Variants in FGFR3 observed in about 807,000 individuals in gnomAD.
The protein encoded by FGFR3 is FGFR-3.
Under a neutral mutation model 82.9 loss-of-function variants are expected in FGFR3, and 25 were observed. The ratio of observed to expected loss-of-function variants is 0.30; its 90% CI spans 0.22 to 0.42. The LOEUF (loss-of-function observed/expected upper bound fraction) is 0.42, where lower values mean the gene tolerates loss of function less well. Among genes scored for constraint, FGFR3 ranks in the 10% least tolerant of loss-of-function variants. The probability of loss-of-function intolerance (pLI) is 1.00; values close to 1 mark genes in which losing one functional copy is unlikely to be tolerated. For synonymous variants in FGFR3, 620 were observed against 516.0 expected (o/e 1.20, Z -2.73); for missense variants, 1,026 against 1,161.0 (o/e 0.88, Z 1.69).
At chr4:1,798,666 G>C (rs1720822506) in intron 2 of FGFR3, among the ~76,000 whole-genome samples, 1 of 152,074 alleles carries the variant, frequency 6.6e-6, no homozygotes, top group South Asian at 2.1e-4. Context: ...CTGTTCCCTG[G>C]CTGTCCATCT....
Position 1,801,499 on chromosome 4 carries a change from G to T in FGFR3, c.578G>T (p.Arg193Met). 1 of 1,561,260 alleles carries T rather than the reference G, an allele frequency of 6.4e-7. No homozygotes were observed. The highest frequency in any genetic ancestry group is 2.4e-5 in the East Asian group (1 of 41,946). ...TPSISWLKNG[R>M]EFRGEHRIGG... Reference sequence around the variant, plus strand: ...TCCATCTCCTGGCTGAAGAACGGCAGGGAGTTCCGCGGCGAGCACCGCATT... The same window carrying T: ...TCCATCTCCTGGCTGAAGAACGGCATGGAGTTCCGCGGCGAGCACCGCATT... Residue 193 changes from arginine (R) to methionine (M), a missense_variant, in exon 5 of 18, where the codon AGG (arginine) becomes ATG (methionine). Physicochemically the swap from Arg to Met is moderately conservative, Grantham distance 91. Coordinates refer to ENST00000440486, the MANE Select transcript of FGFR3 (RefSeq NM_000142.5).
intron 15 of FGFR3, 97 bp downstream of exon 15, chr4:1,806,424 C>G (rs751949840): frequency 1.4e-5 from 23 of 1,603,096 alleles, no homozygotes; most frequent in Non-Finnish European, 1.7e-5. Flanking sequence ...CCCTGGAGCT[C>G]CTGGGTGTGG....
chr4:1,800,567 G>T (rs1224561941), intron 4 of FGFR3, among the ~76,000 whole-genome samples: 1 of 152,090 alleles, frequency 6.6e-6, no homozygotes, highest in Admixed American at 6.5e-5. Context: ...GGGGTCTCCA[G>T]GAGGCCTGGG....
intron 2 of FGFR3, 91 bp from the exon 3 acceptor site, chr4:1,799,163 C>T (rs1344237704): frequency 5.1e-6 from 8 of 1,578,450 alleles, no homozygotes; most frequent in Non-Finnish European, 5.2e-6. Context: ...GAGCCTTCCT[C>T]ACTCAGGGCC....
In FGFR3 at chr4:1,804,444, G is replaced by T. The variant is rs542210035; in HGVS notation, c.1190G>T (p.Arg397Leu). Residue 397 changes from arginine (R) to leucine (L), a missense_variant, in exon 9 of 18, where the codon CGC becomes CTC. Around this residue, in one of 9 missense-constraint regions of FGFR3, gnomAD observed 256 missense variants for 217.6 expected, o/e 1.18. Transcript: ENST00000440486. The stretch of plus-strand genomic sequence containing the variant: ...GTGGTGGCGGCTGTGACGCTCTGCC[G>T]CCTGCGCAGCCCCCCCAAGAAAGGC... ...ILVVAAVTLCRLRSPPKKGLG... is the reference protein window; with the variant it reads ...ILVVAAVTLCLLRSPPKKGLG... 1 of 1,612,612 alleles carries T rather than the reference G, an allele frequency of 6.2e-7. No homozygotes were observed. Among genetic ancestry groups the T allele is most frequent in the Non-Finnish European group, 8.5e-7 (1 of 1,179,660 alleles).
chr4:1,794,521 C>G (rs914145365), intron 2 of FGFR3, among the ~76,000 whole-genome samples: 8 of 152,162 alleles, frequency 5.3e-5, no homozygotes, highest in African/African-American at 1.9e-4. Context: ...CCTGCCCGCC[C>G]GAAGAGGCAG....
chr4:1,799,932 C>T (rs1247532661), intron 4 of FGFR3, 120 bp downstream of exon 4: 43 of 1,135,582 alleles, frequency 3.8e-5, no homozygotes, highest in Non-Finnish European at 4.6e-5. Context: ...GGGGTCACCC[C>T]GAAGGTCTGG....
chr4:1,794,135 G>A (rs1010535209), intron 2 of FGFR3, 92 bp downstream of exon 2: 2 of 637,148 alleles, frequency 3.1e-6, no homozygotes, highest in Non-Finnish European at 4.6e-6. Flanking sequence ...AGGGGCCGCC[G>A]GGTGTGAGTG....
intron 8 of FGFR3, 29 bp downstream of exon 8, chr4:1,803,865 C>T (rs568579187): frequency 1.6e-5 from 25 of 1,607,344 alleles, no homozygotes; most frequent in Middle Eastern, 1.7e-4. Context: ...GCTGCTGCTC[C>T]GCACTGTCTG....
In FGFR3 at chr4:1,805,846, C is replaced by G; in HGVS notation, c.1742C>G (p.Thr581Ser). ...CCGGGCCTGGACTACTCCTTCGACA[C>G]CTGCAAGCCGCCCGAGGAGCAGCTC... Reference protein sequence around the residue: ...RPPGLDYSFDTCKPPEEQLTF... With the variant: ...RPPGLDYSFDSCKPPEEQLTF... Residue 581 changes from threonine to serine, a missense_variant, in exon 13 of 18, where the codon ACC (threonine) becomes AGC (serine). Physicochemically the swap from Thr to Ser is moderately conservative, Grantham distance 58. Transcript: ENST00000440486. 6.2e-7 allele frequency: 1 copy of G among 1,612,606 alleles called. No homozygotes were observed. Among genetic ancestry groups the G allele is most frequent in the Non-Finnish European group, 8.5e-7 (1 of 1,179,884 alleles).
rs1189213092 is a variant in FGFR3 at position 1,804,828 on chromosome 4, C to T, written c.1271C>T (p.Ser424Phe). The change falls in exon 10 of 18, where the codon TCC becomes TTC. Residue 424 changes from serine (S) to phenylalanine (F), a missense_variant. Physicochemically the swap from Ser to Phe is radical, Grantham distance 155 (BLOSUM62 -2). Coordinates refer to ENST00000440486, the MANE Select transcript of FGFR3 (RefSeq NM_000142.5). ...ISRFPLKRQV[S>F]LESNASMSSN... Reference sequence around the variant, plus strand: ...TGCCCCTGCTGACCCAAGCAGGTGTCCCTGGAGTCCAACGCGTCCATGAGC... The same window carrying T: ...TGCCCCTGCTGACCCAAGCAGGTGTTCCTGGAGTCCAACGCGTCCATGAGC... 1.3e-5 allele frequency: 20 copies of T among 1,549,638 alleles called. No homozygotes were observed. Among genetic ancestry groups the T allele is most frequent in the South Asian group, 2.4e-5 (2 of 84,038 alleles).
At position 1,804,399 on chromosome 4, in the gene FGFR3, GCTT is replaced by G. The variant is rs1560431129; in HGVS notation, c.1150_1152del (p.Phe384del). On this transcript the variant is annotated inframe_deletion, in exon 9 of 18. Coordinates refer to ENST00000440486, the MANE Select transcript of FGFR3 (RefSeq NM_000142.5). ...GCAGGCATCCTCAGCTACGGGGTGG[GCTT>G]CTTCCTGTTCATCCTGGTGGTGGCG... 6.2e-7 allele frequency: 1 copy of G among 1,613,044 alleles called. No homozygotes were observed. The highest frequency in any genetic ancestry group is 1.7e-5 in the Admixed American group (1 of 59,976).
chr4:1,807,410 TGTGTGTGTGCACATCCGC>T lies in FGFR3; in HGVS notation c.*154_*171del. Reference sequence around the variant, plus strand: ...GTGTGTGTGTGTGTGCGTGTGTGTGTGTGTGTGTGCACATCCGCGTGTGCCTGTGTGCGTGCGCATCTT... The same window carrying T: ...GTGTGTGTGTGTGTGCGTGTGTGTGTGTGTGCCTGTGTGCGTGCGCATCTT... On this transcript the variant is annotated 3_prime_UTR_variant, in exon 18 of 18. Transcript: ENST00000440486. 2 of 1,168,638 alleles carry T rather than the reference TGTGTGTGTGCACATCCGC, an allele frequency of 1.7e-6. No homozygotes were observed. The highest frequency in any genetic ancestry group is 2.6e-5 in the South Asian group (2 of 76,236). 72.4% of individuals were successfully genotyped at this position (1,168,638 alleles called of 1,614,324 possible).
Position 1,808,540 on chromosome 4 carries a change from A to G in FGFR3, c.*1278A>G, listed in dbSNP as rs1350587441. On this transcript the variant is annotated 3_prime_UTR_variant, in exon 18 of 18. Transcript: ENST00000440486. ...GTTATTAGATGTTACAAGTTTATATATATCTATATATATAATTTATTGAGT... is the reference window on the plus strand; with the variant it reads ...GTTATTAGATGTTACAAGTTTATATGTATCTATATATATAATTTATTGAGT... 5 of 229,592 alleles carry G rather than the reference A, an allele frequency of 2.2e-5. No homozygotes were observed. Among genetic ancestry groups the G allele is most frequent in the African/African-American group, 4.4e-5 (2 of 44,994 alleles). The allele number at this position is 229,592 out of a possible 1,614,324, so 14.2% of individuals were successfully genotyped here. A position where few individuals can be genotyped will look rare whatever the true frequency, so the allele number is the denominator to read the frequency against.
At chr4:1,798,096 G>A (rs935097930) in intron 2 of FGFR3, among the ~76,000 whole-genome samples, 3 of 152,146 alleles carry the variant, frequency 2.0e-5, no homozygotes, top group African/African-American at 7.2e-5. Context: ...GCCTAGGGGC[G>A]ATTGTCCCCC....
At position 1,802,022 on chromosome 4, in the gene FGFR3, C is replaced by T. The variant is rs1405842619; in HGVS notation, c.927C>T (p.Leu309=). The change falls in exon 7 of 18, where the codon CTC becomes CTT. Residue 309 remains leucine, a synonymous_variant. Transcript: ENST00000440486. ...ACGGCACACCCTACGTTACCGTGCT[C>T]AAGGTGGGCCACCGTGTGCACGTGG... ...GPDGTPYVTV[L]KTAGANTTDK... is the part of the protein sequence containing the mutation. 1.9e-6 allele frequency: 3 copies of T among 1,611,150 alleles called. No homozygotes were observed. The highest frequency in any genetic ancestry group is 2.5e-6 in the Non-Finnish European group (3 of 1,179,308).
Position 1,793,311 on chromosome 4 carries a change from C to A in FGFR3, c.-257C>A, listed in dbSNP as rs984147085. Reference sequence around the variant, plus strand: ...CAGGCTCAGTGCGCGGTGGCGGCGGCGTCGCGGGCAGCTGGCGCCGCGCGG... The same window carrying A: ...CAGGCTCAGTGCGCGGTGGCGGCGGAGTCGCGGGCAGCTGGCGCCGCGCGG... On this transcript the variant is annotated 5_prime_UTR_variant, in exon 1 of 18. Transcript: ENST00000440486. 2.1e-5 allele frequency: 3 copies of A among 146,308 alleles called. No homozygotes were observed. The highest frequency in any genetic ancestry group is 7.4e-5 in the African/African-American group (3 of 40,374). 9.1% of individuals were successfully genotyped at this position (146,308 alleles called of 1,614,324 possible). A position where few individuals can be genotyped will look rare whatever the true frequency, so the allele number is the denominator to read the frequency against.
chr4:1,794,853 C>A (rs1022173571), intron 2 of FGFR3, among the ~76,000 whole-genome samples: 3 of 151,626 alleles, frequency 2.0e-5, no homozygotes, highest in African/African-American at 7.2e-5. Flanking sequence ...ACAGCTCAGC[C>A]CGGCGGCCGC....
At chr4:1,799,613 T>G in intron 3 of FGFR3, 90 bp downstream of exon 3, 1 of 1,550,130 alleles carries the variant, frequency 6.5e-7, no homozygotes, top group Non-Finnish European at 8.7e-7. Flanking sequence ...TGGGGGTCTC[T>G]CTGGTCATTG....
Sources: allele counts gnomAD v4.1 joint callset (sites outside exome capture counted in the v4.1 genomes callset), GRCh38; gene constraint gnomAD v4.1.1; regional missense constraint gnomAD v4.1.1; transcripts MANE v1.5; gene names NCBI Gene and HGNC (gene_info 2026-07-23, HGNC 2026-07-21).